Variants in VRK2 observed in about 807,000 individuals in gnomAD.
VRK2 encodes serine/threonine-protein kinase VRK2.
In VRK2, 60 loss-of-function variants were observed where a neutral mutation model predicts 57.6. The ratio of observed to expected loss-of-function variants is 1.04; its 90% CI spans 0.85 to 1.29. The LOEUF is 1.29. VRK2 is among the 50% of genes most tolerant of loss of function. VRK2 has a pLI of 0.00. For synonymous variants in VRK2, 231 were observed against 199.2 expected, an observed-to-expected ratio of 1.16 and a Z score of -1.35; for missense variants, 705 against 588.1, an observed-to-expected ratio of 1.20 and a Z score of -2.06.
intron 1 of VRK2, among the ~76,000 whole-genome samples, chr2:57,975,858 T>C (rs1672236610): frequency 6.6e-6 from 1 of 151,986 alleles, no homozygotes; most frequent in Non-Finnish European, 1.5e-5. Context: ...GCAAATGATT[T>C]CTTCACCCAG....
chr2:58,143,337 C>G, intron 11 of VRK2, among the ~76,000 whole-genome samples: 1 of 151,988 alleles, frequency 6.6e-6, no homozygotes, highest in East Asian at 1.9e-4. Context: ...TGTGTAGTAT[C>G]CTTCTATTAT....
rs754861669 is a variant in VRK2, at chr2:58,159,775, C to G, written c.*82C>G. 21 of 1,612,866 alleles carry G rather than the reference C, an allele frequency of 1.3e-5. No individual in the cohort carries two copies. Among genetic ancestry groups the G allele is most frequent in the African/African-American group, 2.7e-5 (2 of 74,844 alleles). ...TGTTGTATTCTTATTTCAGTGTTTC[C>G]TTCCAGACATTTTTAAGGTAATTGG... On this transcript the variant is annotated 3_prime_UTR_variant, in exon 13 of 13. Transcript: ENST00000340157.
At chr2:57,998,759 C>T (rs912798281) in intron 1 of VRK2, among the ~76,000 whole-genome samples, 3 of 152,104 alleles carry the variant, frequency 2.0e-5, no homozygotes, top group Admixed American at 6.5e-5. Context: ...GAGGACATTG[C>T]TTCACTTGAA....
chr2:58,101,392 A>G (rs1673939177), intron 7 of VRK2, among the ~76,000 whole-genome samples: 2 of 151,718 alleles, frequency 1.3e-5, no homozygotes, highest in Admixed American at 1.3e-4. Context: ...ATACTTTAGT[A>G]TGTATGCATC....
chr2:58,097,965 T>C (rs1673399285), intron 7 of VRK2, among the ~76,000 whole-genome samples: 1 of 152,114 alleles, frequency 6.6e-6, no homozygotes, highest in African/African-American at 2.4e-5. Flanking sequence ...GATTGTTTGT[T>C]ATCATCGGAG....
rs1671063768 is a variant in VRK2 at position 57,940,632 on chromosome 2, T to G, written c.-439+32793T>G. ...GAAAAAAAGGTCAAACATTTTCCAG[T>G]CTTTCTTCTTTCCTTTCCTTCCTAT... On this transcript the variant is annotated intron_variant, in intron 1 of 15. Transcript: ENST00000417641. Among the ~76,000 whole-genome samples, 3 of 152,198 alleles carry G rather than the reference T, an allele frequency of 2.0e-5. No individual in the cohort carries two copies. The South Asian group carries it at 6.2e-4, about 31-fold the overall frequency.
At chr2:57,994,085 C>A (rs1672851627) in intron 1 of VRK2, among the ~76,000 whole-genome samples, 1 of 152,174 alleles carries the variant, frequency 6.6e-6, no homozygotes, top group Non-Finnish European at 1.5e-5. Context: ...CCATCTTTGT[C>A]CTCTTCTTAT....
intron 1 of VRK2, among the ~76,000 whole-genome samples, chr2:58,008,065 G>A (rs1673305913): frequency 6.6e-6 from 1 of 151,970 alleles, no homozygotes; most frequent in South Asian, 2.1e-4. Context: ...AATAAACACT[G>A]AACATTTTTT....
intron 7 of VRK2, among the ~76,000 whole-genome samples, chr2:58,107,868 A>G (rs1674982208): frequency 1.3e-5 from 2 of 151,902 alleles, no homozygotes; most frequent in Non-Finnish European, 2.9e-5. Context: ...TACTTCTTAT[A>G]TCAACGTCGT....
At chr2:57,966,445 G>A (rs1299727013) in intron 1 of VRK2, among the ~76,000 whole-genome samples, 1 of 152,122 alleles carries the variant, frequency 6.6e-6, no homozygotes, top group African/African-American at 2.4e-5. Flanking sequence ...TTGTTTTTGA[G>A]TTTACAACCC....
Position 57,976,692 on chromosome 2 carries a change from T to A in VRK2, c.-438-48973T>A, listed in dbSNP as rs968215328. On this transcript the variant is annotated intron_variant, in intron 1 of 15. Transcript: ENST00000417641. ...GTTGTCTATTTACTTTGTTGAAAAT[T>A]TCCTTTGCTGTGCAGAAGCTCTTTA... is the stretch of plus-strand genomic sequence containing the variant. Among the ~76,000 whole-genome samples the A allele has an allele frequency of 2.0e-5, 3 of 152,166 alleles. No individual in the cohort carries two copies. The East Asian group carries it at 5.8e-4, about 29-fold the overall frequency.
intron 12 of VRK2, among the ~76,000 whole-genome samples, chr2:58,150,609 T>A (rs1366279075): frequency 1.3e-4 from 20 of 150,692 alleles, no homozygotes; most frequent in East Asian, 5.8e-4. Context: ...TTGATTTTTT[T>A]AAAAAAACCT....
rs1553378205 is a variant in VRK2 at position 58,028,903 on chromosome 2, A to ATAT, written c.-333+3133_-333+3134insTAT. Among the ~76,000 whole-genome samples the ATAT allele has an allele frequency of 4.9e-3, 267 of 53,956 alleles. 1 individual carries two copies. Among genetic ancestry groups the ATAT allele is most frequent in the Middle Eastern group, 9.3e-3 (1 of 108 alleles). The allele number at this position is 53,956 out of a possible 152,430, so 35.4% of individuals were successfully genotyped here. On this transcript the variant is annotated intron_variant, in intron 2 of 15. Transcript: ENST00000417641. Reference sequence around the variant, plus strand: ...AGTATAATAAATAAATAAATAAATAAATATATATATATATATATATATATA... The same window carrying ATAT: ...AGTATAATAAATAAATAAATAAATAATATATATATATATATATATATATATATA...
intron 2 of VRK2, among the ~76,000 whole-genome samples, chr2:58,032,888 T>G (rs779235856): frequency 6.6e-6 from 1 of 152,122 alleles, no homozygotes; most frequent in Non-Finnish European, 1.5e-5. Flanking sequence ...CTGCTATCTC[T>G]TGCTGCCTAT....
chr2:57,965,997 T>C (rs1008765331), intron 1 of VRK2, among the ~76,000 whole-genome samples: 1 of 152,208 alleles, frequency 6.6e-6, no homozygotes, highest in Non-Finnish European at 1.5e-5. Context: ...CAAGTTAAAA[T>C]AACAGACATA....
chr2:58,124,287 G>A (rs973070584), intron 8 of VRK2, among the ~76,000 whole-genome samples: 1 of 152,196 alleles, frequency 6.6e-6, no homozygotes, highest in Admixed American at 6.5e-5. Flanking sequence ...AATATATGGT[G>A]CCGAGTCCCA....
chr2:58,106,815 T>G (rs1340477837), intron 7 of VRK2, among the ~76,000 whole-genome samples: 1 of 152,106 alleles, frequency 6.6e-6, no homozygotes, highest in Non-Finnish European at 1.5e-5. Flanking sequence ...AAACTATATC[T>G]TCATGCTTAT....
rs2103929542 is a variant in VRK2, at chr2:57,930,305, T to G, written c.-439+22466T>G. 1.3e-5 allele frequency among the ~76,000 whole-genome samples: 2 copies of G among 152,318 alleles called. 1 individual carries two copies. Among genetic ancestry groups the G allele is most frequent in the East Asian group, 3.9e-4 (2 of 5,182 alleles). ...TAAATGCTCCTCTGTGTGTGCCAGC[T>G]GAGTTCTGCCCCATGTTGCTTTCCA... On this transcript the variant is annotated intron_variant, in intron 1 of 15. Coordinates refer to the VRK2 transcript ENST00000417641.
At chr2:57,917,380 T>G (rs766088452) in intron 1 of VRK2, among the ~76,000 whole-genome samples, 1 of 151,824 alleles carries the variant, frequency 6.6e-6, no homozygotes, top group Non-Finnish European at 1.5e-5. Flanking sequence ...ATGACCCAAA[T>G]TGAAGACGAG....
Sources: gnomAD v4.1 joint callset for allele counts (sites outside exome capture counted in the v4.1 genomes callset) on GRCh38, gnomAD v4.1.1 for gene constraint, MANE v1.5 for transcripts, NCBI Gene and HGNC (gene_info 2026-07-23, HGNC 2026-07-21) for gene names.